Variants in TLN2 observed in about 807,000 individuals in gnomAD.
TLN2 encodes talin-2.
A neutral mutation model predicts 294.7 loss-of-function variants in TLN2; 118 were observed. The observed-to-expected ratio is 0.40, with a 90% CI of 0.34 to 0.47. The LOEUF (loss-of-function observed/expected upper bound fraction) is 0.47. TLN2 is among the 20% of genes least tolerant of loss of function. The probability of loss-of-function intolerance (pLI) is 0.84; values close to 1 mark genes in which losing one functional copy is unlikely to be tolerated. For missense variants in TLN2, 3,083 were observed against 3,282.2 expected, an observed-to-expected ratio of 0.94 and a Z score of 1.48; for synonymous variants, 1,431 against 1,304.5, an observed-to-expected ratio of 1.10 and a Z score of -2.09.
chr15:62,528,176 C>G (rs1046007388), intron 1 of TLN2, among the ~76,000 whole-genome samples: 1 of 151,904 alleles, frequency 6.6e-6, no homozygotes, highest in African/African-American at 2.4e-5. Flanking sequence ...GTTACTGAAG[C>G]CAAAATATAA....
chr15:62,652,151 C>G lies in TLN2; in HGVS notation c.364+17C>G. On this transcript the variant is annotated intron_variant, in intron 6 of 58. Transcript: ENST00000636159. Reference sequence around the variant, plus strand: ...GCAGAATAGGTGAGCATTCATACACCTTCATTATGTCTTTTTGCTTAGTTT... The same window carrying G: ...GCAGAATAGGTGAGCATTCATACACGTTCATTATGTCTTTTTGCTTAGTTT... 1 of 1,507,970 alleles carries G rather than the reference C, an allele frequency of 6.6e-7. No homozygotes were observed. Among genetic ancestry groups the G allele is most frequent in the Non-Finnish European group, 8.9e-7 (1 of 1,124,624 alleles). The allele number at this position is 1,507,970 out of a possible 1,614,324, so 93.4% of individuals were successfully genotyped here. A position where few individuals can be genotyped will look rare whatever the true frequency, so the allele number is the denominator to read the frequency against.
intron 9 of TLN2, among the ~76,000 whole-genome samples, chr15:62,664,856 T>TAAAA (rs1567297697): frequency 7.6e-4 from 1 of 1,316 alleles, no homozygotes; most frequent in Non-Finnish European, 5.2e-3. Context: ...GGAAACTGTC[T>TAAAA]CAAAAAAAAA....
intron 1 of TLN2, among the ~76,000 whole-genome samples, chr15:62,521,893 A>AC (rs2040478720): frequency 1.3e-5 from 2 of 152,148 alleles, no homozygotes; most frequent in Admixed American, 1.3e-4. Context: ...CTGCCGTGTG[A>AC]CGCTATACCA....
chr15:62,629,407 C>T (rs1003199088), intron 3 of TLN2, among the ~76,000 whole-genome samples: 60 of 152,138 alleles, frequency 3.9e-4, no homozygotes, highest in African/African-American at 1.1e-3. Context: ...CAGGTTATAC[C>T]GATTCCAACT....
chr15:62,462,010 G>T (rs188535805), intron 1 of TLN2, among the ~76,000 whole-genome samples: 1 of 152,196 alleles, frequency 6.6e-6, no homozygotes, highest in Admixed American at 6.5e-5. Context: ...GCTGAGGCAG[G>T]TGGATCACGA....
intron 24 of TLN2, among the ~76,000 whole-genome samples, chr15:62,719,427 A>G (rs1482696278): frequency 6.6e-6 from 1 of 151,298 alleles, no homozygotes; most frequent in East Asian, 1.9e-4. Context: ...AATCGTGTAG[A>G]TCCTTTGATT....
intron 1 of TLN2, among the ~76,000 whole-genome samples, chr15:62,505,225 G>A (rs763967247): frequency 3.3e-5 from 5 of 152,104 alleles, no homozygotes; most frequent in Non-Finnish European, 5.9e-5. Context: ...CCAAAGTGCT[G>A]GGATTACAGG....
intron 51 of TLN2, 53 bp downstream of exon 51, chr15:62,805,838 G>T: frequency 1.9e-6 from 3 of 1,567,942 alleles, no homozygotes; most frequent in South Asian, 2.4e-5. Context: ...GTCGTGACTG[G>T]GTTGCTTGGT....
intron 22 of TLN2, 86 bp from the exon 23 acceptor site, chr15:62,716,245 A>T (rs540575292): frequency 2.2e-6 from 3 of 1,341,640 alleles, no homozygotes; most frequent in Non-Finnish European, 2.9e-6. Context: ...AATGCTTTCT[A>T]TTACTAAGAA....
chr15:62,450,978 T>C (rs867741223), intron 1 of TLN2, among the ~76,000 whole-genome samples: 26 of 145,998 alleles, frequency 1.8e-4, no homozygotes, highest in African/African-American at 5.7e-4. Flanking sequence ...TTCTCTCTCT[T>C]TTTTTTTTTT....
intron 2 of TLN2, among the ~76,000 whole-genome samples, chr15:62,593,610 T>C (rs2046255089): frequency 6.6e-6 from 1 of 152,240 alleles, no homozygotes; most frequent in African/African-American, 2.4e-5. Flanking sequence ...AATACATTTA[T>C]CTGCAATTGA....
At chr15:62,743,617 C>A (rs2140976582) in intron 32 of TLN2, among the ~76,000 whole-genome samples, 1 of 152,224 alleles carries the variant, frequency 6.6e-6, no homozygotes, top group Admixed American at 6.5e-5. Flanking sequence ...GAGCTGGAGA[C>A]CCTTTGTCAC....
At chr15:62,484,566 A>G (rs2038283540) in intron 1 of TLN2, among the ~76,000 whole-genome samples, 1 of 152,056 alleles carries the variant, frequency 6.6e-6, no homozygotes, top group Admixed American at 6.6e-5. Context: ...AGCTGGGATT[A>G]CAGGTGCTAC....
At chr15:62,581,072 T>C (rs1455008715) in intron 1 of TLN2, among the ~76,000 whole-genome samples, 2 of 151,900 alleles carry the variant, frequency 1.3e-5, no homozygotes, top group African/African-American at 2.4e-5. Context: ...TTAGTAGAGA[T>C]GGGGTTTCAC....
chr15:62,456,110 G>T (rs1213880517), intron 1 of TLN2, among the ~76,000 whole-genome samples: 1 of 151,842 alleles, frequency 6.6e-6, no homozygotes, highest in Non-Finnish European at 1.5e-5. Flanking sequence ...CCCCCAAGGG[G>T]ACAAGTGACA....
chr15:62,601,684 C>A (rs116819662), intron 2 of TLN2, among the ~76,000 whole-genome samples: 1,830 of 152,210 alleles, frequency 0.012, 37 homozygotes, highest in African/African-American at 0.042. Flanking sequence ...TACTAGAATA[C>A]TTATATAAAG....
intron 55 of TLN2, 54 bp downstream of exon 55, chr15:62,833,683 G>A (rs1276436355): frequency 1.1e-5 from 18 of 1,581,598 alleles, no homozygotes; most frequent in Non-Finnish European, 1.5e-5. Flanking sequence ...GAGCCTCAGG[G>A]GGCCCAGGAA....
intron 1 of TLN2, among the ~76,000 whole-genome samples, chr15:62,392,233 TG>T (rs1339580461): frequency 6.6e-6 from 1 of 152,244 alleles, no homozygotes; most frequent in Non-Finnish European, 1.5e-5. Flanking sequence ...CTTGAAGAGC[TG>T]GGACAACTTA....
At chr15:62,542,299 C>T (rs1024981419) in intron 1 of TLN2, among the ~76,000 whole-genome samples, 9 of 152,156 alleles carry the variant, frequency 5.9e-5, no homozygotes, top group Non-Finnish European at 1.3e-4. Context: ...TCACGCCATT[C>T]TCCTGCCTCA....
Sources: gnomAD v4.1 joint callset for allele counts (sites outside exome capture counted in the v4.1 genomes callset) on GRCh38, gnomAD v4.1.1 for gene constraint, MANE v1.5 for transcripts, NCBI Gene and HGNC (gene_info 2026-07-23, HGNC 2026-07-21) for gene names.